SYNPO2: variants seen among roughly 807,000 people sequenced by gnomAD.
SYNPO2 encodes synaptopodin 2.
SYNPO2 carries 56 observed loss-of-function variants against 85.0 expected under a neutral mutation model. That is an observed-to-expected ratio of 0.66 (90% confidence interval 0.53 to 0.82). The LOEUF (loss-of-function observed/expected upper bound fraction) is 0.82. Ranked by LOEUF, SYNPO2 falls within the 40% of genes least tolerant of loss-of-function variation. The probability of loss-of-function intolerance (pLI) is 0.00; values close to 1 mark genes in which losing one functional copy is unlikely to be tolerated. For synonymous variants in SYNPO2, 602 were observed against 591.1 expected (o/e 1.02, Z -0.27); for missense variants, 1,575 against 1,534.2 (o/e 1.03, Z -0.44).
intron 1 of SYNPO2, among the ~76,000 whole-genome samples, chr4:118,977,070 G>A (rs1735789401): frequency 6.6e-6 from 1 of 152,246 alleles, no homozygotes; most frequent in Non-Finnish European, 1.5e-5. Flanking sequence ...CCCTTGGGTG[G>A]TCGATGGGAC....
intron 1 of SYNPO2, among the ~76,000 whole-genome samples, chr4:118,858,358 G>T (rs1731545727): frequency 6.6e-6 from 1 of 152,124 alleles, no homozygotes; most frequent in African/African-American, 2.4e-5. Context: ...AAATTAAAGG[G>T]AACTTTCAAC....
intron 4 of SYNPO2, chr4:119,043,884 G>A (rs1027783558): frequency 7.4e-6 from 1 of 134,454 alleles, no homozygotes; most frequent in African/African-American, 2.7e-5. Context: ...GTTGCAGTGA[G>A]CCCATATCGT....
intron 1 of SYNPO2, among the ~76,000 whole-genome samples, chr4:119,018,282 T>C (rs555146462): frequency 5.9e-5 from 9 of 152,312 alleles, no homozygotes; most frequent in Admixed American, 2.0e-4. Context: ...CAGGATTTCA[T>C]TTTTTATGAC....
chr4:118,853,526 A>G (rs1731455787), intron 1 of SYNPO2, among the ~76,000 whole-genome samples: 1 of 135,006 alleles, frequency 7.4e-6, no homozygotes. Flanking sequence ...CAGAACTCTC[A>G]TCTTAACCCA....
At chr4:118,890,457 T>A (rs1239999113) in intron 1 of SYNPO2, among the ~76,000 whole-genome samples, 1 of 152,162 alleles carries the variant, frequency 6.6e-6, no homozygotes, top group Non-Finnish European at 1.5e-5. Context: ...GGCAGAGTGA[T>A]TAAAGGCTCA....
At chr4:119,010,470 A>G (rs1432836547) in intron 1 of SYNPO2, among the ~76,000 whole-genome samples, 1 of 152,204 alleles carries the variant, frequency 6.6e-6, no homozygotes, top group Admixed American at 6.5e-5. Flanking sequence ...ATATGGGGGA[A>G]CTACCCCCAT....
intron 1 of SYNPO2, among the ~76,000 whole-genome samples, chr4:118,941,933 T>G (rs980877639): frequency 3.3e-5 from 5 of 152,154 alleles, no homozygotes; most frequent in African/African-American, 1.2e-4. Context: ...GTTTTAATAA[T>G]TCTGGCAGGC....
intron 1 of SYNPO2, among the ~76,000 whole-genome samples, chr4:118,870,566 C>A (rs1731783171): frequency 6.6e-6 from 1 of 152,098 alleles, no homozygotes; most frequent in Non-Finnish European, 1.5e-5. Context: ...AATGGGATTG[C>A]TGGGTCAAAT....
intron 1 of SYNPO2, among the ~76,000 whole-genome samples, chr4:118,858,239 A>G (rs892269708): frequency 1.3e-5 from 2 of 151,378 alleles, no homozygotes; most frequent in African/African-American, 4.8e-5. Context: ...CCACCTCCCC[A>G]CTTCCTTGCT....
At chr4:118,876,030 G>C (rs1266935922) in intron 1 of SYNPO2, among the ~76,000 whole-genome samples, 2 of 152,170 alleles carry the variant, frequency 1.3e-5, no homozygotes, top group Non-Finnish European at 2.9e-5. Context: ...AGTTAGAGTT[G>C]ACAAAAATCT....
At chr4:118,951,492 G>C (rs982838345) in intron 1 of SYNPO2, among the ~76,000 whole-genome samples, 1 of 152,188 alleles carries the variant, frequency 6.6e-6, no homozygotes, top group Non-Finnish European at 1.5e-5. Flanking sequence ...AGGACATTCA[G>C]ACTATAGCAC....
intron 1 of SYNPO2, among the ~76,000 whole-genome samples, chr4:118,990,451 A>G (rs1338729108): frequency 6.6e-6 from 1 of 152,128 alleles, no homozygotes; most frequent in African/African-American, 2.4e-5. Context: ...ACTATTATAC[A>G]CCAAATATTG....
intron 1 of SYNPO2, among the ~76,000 whole-genome samples, chr4:118,932,195 T>C (rs959086326): frequency 6.6e-6 from 1 of 152,190 alleles, no homozygotes; most frequent in Non-Finnish European, 1.5e-5. Flanking sequence ...AATTTTCACT[T>C]TGAGGATCCC....
chr4:118,971,858 T>C (rs936552554), intron 1 of SYNPO2, among the ~76,000 whole-genome samples: 2 of 77,194 alleles, frequency 2.6e-5, no homozygotes, highest in Non-Finnish European at 3.2e-5. Flanking sequence ...AGAAGTGTTA[T>C]GTTCTCCCAT....
chr4:119,057,354 C>T (rs781244917), intron 4 of SYNPO2, 47 bp from the exon 5 acceptor site: 3 of 1,516,360 alleles, frequency 2.0e-6, no homozygotes, highest in Non-Finnish European at 2.6e-6. Flanking sequence ...TAACAATCAG[C>T]ACAAACCAAA....
chr4:119,029,939 C>T lies in SYNPO2; in HGVS notation c.1164C>T (p.Asn388=), dbSNP rs748917346. ...CCCTTCTTCTAACGGATGCTCCCAA[C>T]CCCAACTCCAAGGGGGTGTTGATGT... is the stretch of plus-strand genomic sequence containing the variant. ...SIALLLTDAP[N]PNSKGVLMFK... The change falls in exon 4 of 5, where the codon AAC becomes AAT. Residue 388 remains asparagine (N), a synonymous_variant. Transcript: ENST00000307142. The T allele has an allele frequency of 2.5e-6, 4 of 1,613,726 alleles. No homozygotes were observed. The highest frequency in any genetic ancestry group is 2.7e-5 in the African/African-American group (2 of 74,830).
intron 4 of SYNPO2, among the ~76,000 whole-genome samples, chr4:119,054,194 C>T (rs1039665179): frequency 2.6e-5 from 4 of 152,242 alleles, no homozygotes; most frequent in African/African-American, 4.8e-5. Context: ...TGGCCCACAG[C>T]GGTGCCCAGG....
chr4:118,879,197 G>T (rs1175411585), intron 1 of SYNPO2, among the ~76,000 whole-genome samples: 1 of 152,140 alleles, frequency 6.6e-6, no homozygotes, highest in Non-Finnish European at 1.5e-5. Flanking sequence ...TTTAAGAACG[G>T]TAACACTCAC....
chr4:118,956,317 A>G (rs1734873281), intron 1 of SYNPO2, among the ~76,000 whole-genome samples: 1 of 152,228 alleles, frequency 6.6e-6, no homozygotes, highest in Non-Finnish European at 1.5e-5. Flanking sequence ...GGGAACCAGG[A>G]TAGCATAAGC....
Sources: gnomAD v4.1 joint callset for allele counts (sites outside exome capture counted in the v4.1 genomes callset) on GRCh38, gnomAD v4.1.1 for gene constraint, MANE v1.5 for transcripts, NCBI Gene and HGNC (gene_info 2026-07-23, HGNC 2026-07-21) for gene names.